The following PHACTR1 variants were observed in gnomAD, a reference collection of about 807,000 sequenced individuals.
The protein encoded by PHACTR1 is RPEL repeat containing 1.
In PHACTR1, 16 loss-of-function variants were observed where a neutral mutation model predicts 69.2. That is an observed-to-expected ratio of 0.23 (90% CI 0.16 to 0.35). The LOEUF (loss-of-function observed/expected upper bound fraction) is 0.35, where lower values mean the gene tolerates loss of function less well. Among genes scored for constraint, PHACTR1 ranks in the 10% least tolerant of loss-of-function variants. The pLI is 1.00. For synonymous variants in PHACTR1, 312 were observed against 284.5 expected (o/e 1.10, Z -0.97); for missense variants, 510 against 734.7 (o/e 0.69, Z 3.54).
intron 4 of PHACTR1, among the ~76,000 whole-genome samples, chr6:12,926,494 C>T (rs9463293): frequency 0.014 from 2,094 of 152,316 alleles, 52 homozygotes; most frequent in African/African-American, 0.048. Context: ...ACAGTTACTT[C>T]GAATTCCTTT....
chr6:12,855,562 T>A (rs778853051), intron 4 of PHACTR1, among the ~76,000 whole-genome samples: 2 of 152,190 alleles, frequency 1.3e-5, no homozygotes, highest in Non-Finnish European at 2.9e-5. Flanking sequence ...AAATATCGCA[T>A]GTTCTCATTT....
chr6:12,763,607 A>G (rs12526812), intron 4 of PHACTR1, among the ~76,000 whole-genome samples: 10,494 of 152,304 alleles, frequency 0.069, 455 homozygotes, highest in Admixed American at 0.1. Flanking sequence ...GAATTTAGCC[A>G]ACACAGACAA....
intron 5 of PHACTR1, among the ~76,000 whole-genome samples, chr6:13,067,942 G>A (rs1808910220): frequency 1.3e-5 from 2 of 152,134 alleles, no homozygotes; most frequent in African/African-American, 2.4e-5. Context: ...TCAAACTCTG[G>A]AGCCTGACTG....
chr6:13,171,502 C>T (rs1162207178), intron 6 of PHACTR1, among the ~76,000 whole-genome samples: 2 of 152,258 alleles, frequency 1.3e-5, no homozygotes, highest in African/African-American at 4.8e-5. Context: ...TTGAGCGGTG[C>T]TGTCCAGTAG....
chr6:13,057,152 C>T (rs974391790), intron 5 of PHACTR1, among the ~76,000 whole-genome samples: 4 of 152,052 alleles, frequency 2.6e-5, no homozygotes, highest in African/African-American at 9.7e-5. Context: ...TTGGAATGTT[C>T]CAACAAAGAA....
At chr6:12,753,972 T>TATATATA (rs1297804427) in intron 4 of PHACTR1, among the ~76,000 whole-genome samples, 1 of 136,964 alleles carries the variant, frequency 7.3e-6, no homozygotes, top group African/African-American at 2.6e-5. Flanking sequence ...ATATATATAT[T>TATATATA]TTTTTTTTGA....
At chr6:12,856,402 C>A (rs550113515) in intron 4 of PHACTR1, among the ~76,000 whole-genome samples, 1 of 151,824 alleles carries the variant, frequency 6.6e-6, no homozygotes, top group Non-Finnish European at 1.5e-5. Flanking sequence ...TACAGGCACC[C>A]GCCACCACGC....
intron 8 of PHACTR1, among the ~76,000 whole-genome samples, chr6:13,210,135 G>A (rs919820365): frequency 1.8e-4 from 27 of 152,108 alleles, no homozygotes; most frequent in Non-Finnish European, 4.4e-5. Context: ...AGCCTCCTGA[G>A]TAGCTGGGAT....
chr6:12,822,516 G>A (rs868566098), intron 4 of PHACTR1, among the ~76,000 whole-genome samples: 11 of 152,202 alleles, frequency 7.2e-5, no homozygotes, highest in Non-Finnish European at 1.3e-4. Flanking sequence ...TATCTGCCAC[G>A]GTCAGAAGAA....
rs1214978079 is a variant in PHACTR1, at chr6:12,975,434, CA to C, written c.251-77929del. On this transcript the variant is annotated intron_variant, in intron 4 of 14. Transcript: ENST00000332995. ...TAAAACTTCACTCTGCAAAAATCTG[CA>C]ATGAATTTTTTTCTCTATATCCATT... Among the ~76,000 whole-genome samples the C allele has an allele frequency of 3.3e-5, 5 of 152,242 alleles. No individual in the cohort carries two copies. The East Asian group carries it at 9.6e-4, about 29-fold the overall frequency.
chr6:12,863,124 T>C (rs1051019935), intron 4 of PHACTR1, among the ~76,000 whole-genome samples: 3 of 152,252 alleles, frequency 2.0e-5, no homozygotes, highest in Non-Finnish European at 4.4e-5. Context: ...ATATACAGTA[T>C]GTAGAGAAGT....
At chr6:12,989,493 A>G (rs888729380) in intron 4 of PHACTR1, among the ~76,000 whole-genome samples, 4 of 152,138 alleles carry the variant, frequency 2.6e-5, no homozygotes, top group Admixed American at 6.5e-5. Context: ...GCTCATTCCA[A>G]TGCAACTTCA....
chr6:13,275,966 C>T lies in PHACTR1; in HGVS notation c.1448-2302C>T, dbSNP rs1182787169. The T allele has an allele frequency of 6.6e-5, 10 of 151,902 alleles. No individual in the cohort carries two copies. The highest frequency in any genetic ancestry group is 7.4e-5 in the Non-Finnish European group (5 of 67,994). The allele number at this position is 151,902 out of a possible 1,614,324, so 9.4% of individuals were successfully genotyped here. On this transcript the variant is annotated intron_variant, in intron 11 of 14. Coordinates refer to ENST00000332995, the MANE Select transcript of PHACTR1 (RefSeq NM_030948.6). This position sits in a 1 kb window ranked among gnomAD's most constrained non-coding sequence, Gnocchi z 4.0. ...GCTGACTAGTTTAATAGGTTTTATC[C>T]CACTGAAATTTGCATTTGTACAAAT...
At chr6:13,139,095 G>A (rs1451991449) in intron 5 of PHACTR1, among the ~76,000 whole-genome samples, 1 of 142,394 alleles carries the variant, frequency 7.0e-6, no homozygotes, top group Non-Finnish European at 1.5e-5. Context: ...TATCAAGAGG[G>A]TTAATTTTGC....
At chr6:13,034,143 G>A (rs1431335109) in intron 4 of PHACTR1, among the ~76,000 whole-genome samples, 2 of 151,484 alleles carry the variant, frequency 1.3e-5, no homozygotes, top group Non-Finnish European at 2.9e-5. Flanking sequence ...TCAGCCTCCC[G>A]AGTAGCTGGG....
chr6:12,950,766 C>A (rs1791193525), intron 4 of PHACTR1, among the ~76,000 whole-genome samples: 1 of 152,152 alleles, frequency 6.6e-6, no homozygotes, highest in South Asian at 2.1e-4. Flanking sequence ...TAGAACTTCC[C>A]CCCAGTTTAC....
At chr6:12,796,714 C>G (rs777074011) in intron 4 of PHACTR1, among the ~76,000 whole-genome samples, 4 of 152,170 alleles carry the variant, frequency 2.6e-5, no homozygotes, top group Non-Finnish European at 5.9e-5. Context: ...TTGGACCACA[C>G]GGCAGATGAA....
intron 4 of PHACTR1, among the ~76,000 whole-genome samples, chr6:12,876,304 T>C (rs1380155756): frequency 6.6e-6 from 1 of 152,224 alleles, no homozygotes; most frequent in African/African-American, 2.4e-5. Context: ...TATATATTAA[T>C]TATGTAATCT....
In PHACTR1 at chr6:13,042,798, C is replaced by A. The variant is rs538716354; in HGVS notation, c.251-10567C>A. ...CTTTAGCTGAGCCCATGTTCTGTGC[C>A]CCAAAAGAATGCTTTTAGTATATGC... On this transcript the variant is annotated intron_variant, in intron 4 of 14. Transcript: ENST00000332995. Among the ~76,000 whole-genome samples the A allele has an allele frequency of 2.6e-5, 4 of 152,180 alleles. No individual in the cohort carries two copies. The South Asian group carries it at 8.3e-4, about 32-fold the overall frequency.
Sources: gnomAD v4.1 joint callset for allele counts (sites outside exome capture counted in the v4.1 genomes callset) on GRCh38, gnomAD v4.1.1 for gene constraint, Gnocchi (gnomAD v3.1) non-coding constraint, MANE v1.5 for transcripts, NCBI Gene and HGNC (gene_info 2026-07-23, HGNC 2026-07-21) for gene names.